ARMH3: variants seen among roughly 807,000 people sequenced by gnomAD.
ARMH3 encodes armadillo like helical domain containing 3.
Under a neutral mutation model 99.1 loss-of-function variants are expected in ARMH3, and 60 were observed. The ratio of observed to expected loss-of-function variants is 0.61; its 90% CI spans 0.49 to 0.75. ARMH3 has a LOEUF of 0.75. Ranked by LOEUF, ARMH3 falls within the 30% of genes least tolerant of loss-of-function variation. The pLI is 0.00. For synonymous variants in ARMH3, 285 were observed against 292.8 expected, an observed-to-expected ratio of 0.97 and a Z score of 0.27; for missense variants, 679 against 843.1, an observed-to-expected ratio of 0.81 and a Z score of 2.41.
intron 23 of ARMH3, among the ~76,000 whole-genome samples, chr10:101,929,723 G>A (rs1280121962): frequency 2.6e-5 from 4 of 152,124 alleles, no homozygotes; most frequent in African/African-American, 9.6e-5. Context: ...CAATAAAAAC[G>A]CTTTTTAGAA....
At chr10:101,988,784 A>G (rs1846630211) in intron 19 of ARMH3, among the ~76,000 whole-genome samples, 1 of 151,844 alleles carries the variant, frequency 6.6e-6, no homozygotes, top group Non-Finnish European at 1.5e-5. Flanking sequence ...ATTAGCCAAC[A>G]TGGTGGTGCG....
At chr10:101,922,069 C>T (rs1027751667) in intron 23 of ARMH3, among the ~76,000 whole-genome samples, 1 of 152,092 alleles carries the variant, frequency 6.6e-6, no homozygotes, top group Non-Finnish European at 1.5e-5. Context: ...ATTATACAGT[C>T]TATGCATGTA....
chr10:101,847,464 T>C lies in ARMH3; in HGVS notation c.*64A>G. Reference sequence around the variant, plus strand: ...CGGGGGCAGCCCCCTCTCCCCTCGCTCCCCCTCCAGCCCATGATCCTCATG... The same window carrying C: ...CGGGGGCAGCCCCCTCTCCCCTCGCCCCCCCTCCAGCCCATGATCCTCATG... On this transcript the variant is annotated 3_prime_UTR_variant, in exon 26 of 26. Coordinates refer to ENST00000370033, the MANE Select transcript of ARMH3 (RefSeq NM_024541.3). The C allele has an allele frequency of 1.3e-6, 2 of 1,521,826 alleles. No individual in the cohort carries two copies. Among genetic ancestry groups the C allele is most frequent in the Admixed American group, 1.7e-5 (1 of 59,240 alleles). 94.3% of individuals were successfully genotyped at this position (1,521,826 alleles called of 1,614,324 possible).
chr10:101,988,231 G>T (rs1238587709), intron 19 of ARMH3, among the ~76,000 whole-genome samples: 1 of 152,166 alleles, frequency 6.6e-6, no homozygotes, highest in Non-Finnish European at 1.5e-5. Context: ...CTTACTAACA[G>T]AATAACCCTG....
chr10:101,853,050 A>ATTTTTTTT (rs747143889), intron 24 of ARMH3, among the ~76,000 whole-genome samples: 6 of 129,544 alleles, frequency 4.6e-5, no homozygotes, highest in African/African-American at 1.4e-4. Context: ...TGCTTGGCTA[A>ATTTTTTTT]TTTTTTTTTT....
At chr10:101,849,993 C>CCAA in intron 24 of ARMH3, 101 bp from the exon 25 acceptor site, 1 of 947,978 alleles carries the variant, frequency 1.1e-6, no homozygotes, top group Non-Finnish European at 1.6e-6. Context: ...TCTGTGACAA[C>CCAA]ACCCCCAAGA....
Position 102,040,058 on chromosome 10 carries a change from T to C in ARMH3, c.57A>G (p.Lys19=). 1 of 1,614,160 alleles carries C rather than the reference T, an allele frequency of 6.2e-7. No homozygotes were observed. The highest frequency in any genetic ancestry group is 8.5e-7 in the Non-Finnish European group (1 of 1,180,014). ...TCAGCACCACTTTTTCCTTCAGTGG[T>C]TTTTTGGAGGCTGAAGATTTCCGGA... ...GLLRKSSASK[K]PLKEKVVLMY... Residue 19 remains lysine (K), a synonymous_variant, in exon 2 of 26, where the codon AAA becomes AAG. Transcript: ENST00000370033.
At chr10:101,971,488 T>C (rs181886348) in intron 20 of ARMH3, among the ~76,000 whole-genome samples, 2 of 152,114 alleles carry the variant, frequency 1.3e-5, no homozygotes, top group East Asian at 1.9e-4. Context: ...GGTGGGAGGA[T>C]TGTTTGAACC....
intron 5 of ARMH3, among the ~76,000 whole-genome samples, chr10:102,028,060 AAAAT>A (rs1401471071): frequency 6.6e-6 from 1 of 151,936 alleles, no homozygotes; most frequent in Non-Finnish European, 1.5e-5. Context: ...CCAAAAAAAA[AAAAT>A]AAAGAAAAGA....
At chr10:101,899,887 C>G (rs567275161) in intron 23 of ARMH3, among the ~76,000 whole-genome samples, 16 of 151,988 alleles carry the variant, frequency 1.1e-4, no homozygotes, top group South Asian at 2.1e-4. Context: ...ATTTTGACAA[C>G]CAGCAAGAAG....
chr10:101,947,894 T>C (rs1204045684), intron 22 of ARMH3, among the ~76,000 whole-genome samples: 3 of 152,036 alleles, frequency 2.0e-5, no homozygotes, highest in Non-Finnish European at 2.9e-5. Context: ...ATCCTGACTT[T>C]AGACTGCAAA....
chr10:101,893,697 G>A (rs1413171898), intron 23 of ARMH3, among the ~76,000 whole-genome samples: 2 of 152,052 alleles, frequency 1.3e-5, no homozygotes, highest in African/African-American at 4.8e-5. Flanking sequence ...GAAGAAGAGA[G>A]GGAAGGGGAA....
chr10:101,984,618 G>A (rs956040173), intron 19 of ARMH3, among the ~76,000 whole-genome samples: 1 of 151,816 alleles, frequency 6.6e-6, no homozygotes, highest in African/African-American at 2.4e-5. Context: ...CAACCCCTGC[G>A]GCCATCTATC....
intron 1 of ARMH3, among the ~76,000 whole-genome samples, chr10:102,045,901 C>T (rs146761139): frequency 0.056 from 8,446 of 152,026 alleles, 250 homozygotes; most frequent in African/African-American, 0.059. Context: ...TCGAGACCAG[C>T]CTAACCAACA....
intron 19 of ARMH3, among the ~76,000 whole-genome samples, chr10:101,989,068 C>T (rs1026379182): frequency 5.9e-5 from 9 of 151,916 alleles, no homozygotes; most frequent in African/African-American, 2.2e-4. Flanking sequence ...GCCCAAAAAT[C>T]GGAGGGAGCA....
intron 20 of ARMH3, among the ~76,000 whole-genome samples, 163 bp downstream of exon 20, chr10:101,975,049 T>TAAAAAAAAAAAAAAAAAAAAAA (rs11399489): frequency 3.4e-5 from 1 of 29,666 alleles, no homozygotes; most frequent in Non-Finnish European, 6.0e-5. Context: ...AGCTAAAACG[T>TAAAAAAAAAAAAAAAAAAAAAA]AAAAAAAAAA....
intron 23 of ARMH3, among the ~76,000 whole-genome samples, chr10:101,918,082 T>C (rs941850023): frequency 3.3e-5 from 5 of 152,204 alleles, no homozygotes; most frequent in African/African-American, 1.2e-4. Context: ...AGAGTCTTGC[T>C]CTGTGGCCCA....
chr10:101,966,417 C>T (rs1328295919), intron 20 of ARMH3, among the ~76,000 whole-genome samples: 1 of 148,718 alleles, frequency 6.7e-6, no homozygotes, highest in African/African-American at 2.5e-5. Context: ...GCTGGGATTA[C>T]AGGCGCCCGC....
intron 23 of ARMH3, among the ~76,000 whole-genome samples, chr10:101,893,570 TG>T (rs2067745193): frequency 6.6e-6 from 1 of 152,110 alleles, no homozygotes; most frequent in African/African-American, 2.4e-5. Context: ...GTTGGAACAG[TG>T]AAATAATCCC....
Sources: allele counts gnomAD v4.1 joint callset (sites outside exome capture counted in the v4.1 genomes callset), GRCh38; gene constraint gnomAD v4.1.1; transcripts MANE v1.5; gene names NCBI Gene and HGNC (gene_info 2026-07-23, HGNC 2026-07-21).